Variants in SLC5A11 observed in about 807,000 individuals in gnomAD.
SLC5A11 encodes the protein solute carrier family 5 member 11.
A neutral mutation model predicts 69.8 loss-of-function variants in SLC5A11; 48 were observed. That is an observed-to-expected ratio of 0.69 (90% CI 0.55 to 0.87). The LOEUF is 0.87. SLC5A11 is among the 40% of genes least tolerant of loss of function. The probability of loss-of-function intolerance (pLI) is 0.00; values close to 1 mark genes in which losing one functional copy is unlikely to be tolerated. For synonymous variants in SLC5A11, 319 were observed against 342.4 expected, an observed-to-expected ratio of 0.93 and a Z score of 0.75; for missense variants, 784 against 866.1, an observed-to-expected ratio of 0.91 and a Z score of 1.19.
In SLC5A11 at chr16:24,884,804, A is replaced by G. The variant is rs567335252; in HGVS notation, c.664+673A>G. On this transcript the variant is annotated intron_variant, in intron 8 of 15. Transcript: ENST00000347898. ...CACCCAGGCTGAAGTGCAGTGACAC[A>G]GTCTTGGCTCACTGCAACCTCTGCC... Among the ~76,000 whole-genome samples the G allele has an allele frequency of 1.2e-4, 18 of 151,786 alleles. No homozygotes were observed. In the South Asian group the frequency reaches 2.1e-3, roughly 18 times the overall value.
intron 10 of SLC5A11, among the ~76,000 whole-genome samples, chr16:24,905,224 G>C (rs889061208): frequency 2.3e-5 from 3 of 132,106 alleles, no homozygotes; most frequent in Non-Finnish European, 3.1e-5. Flanking sequence ...AGGAGGTCAA[G>C]ACCAGCCTGG....
intron 5 of SLC5A11, among the ~76,000 whole-genome samples, chr16:24,875,339 C>T (rs1229594686): frequency 6.6e-6 from 1 of 152,098 alleles, no homozygotes; most frequent in East Asian, 1.9e-4. Flanking sequence ...CGCCTGTCAC[C>T]ACGCATGACT....
intron 4 of SLC5A11, among the ~76,000 whole-genome samples, chr16:24,870,781 C>T (rs866308767): frequency 1.5e-5 from 1 of 66,546 alleles, no homozygotes; most frequent in African/African-American, 6.1e-5. Flanking sequence ...CTCTGTCTCA[C>T]AAAAAAAAAA....
At chr16:24,892,490 A>T (rs558389320) in intron 9 of SLC5A11, among the ~76,000 whole-genome samples, 1 of 151,314 alleles carries the variant, frequency 6.6e-6, no homozygotes, top group South Asian at 2.1e-4. Context: ...GCATTTGCTT[A>T]TATGTCCATA....
intron 10 of SLC5A11, among the ~76,000 whole-genome samples, chr16:24,901,958 G>GCACACACACACACACACACA (rs56126191): frequency 2.1e-3 from 281 of 136,648 alleles, no homozygotes; most frequent in African/African-American, 7.0e-3. Flanking sequence ...ACACACACAC[G>GCACACACACACACACACACA]CACACACACA....
chr16:24,870,060 T>G (rs931068630), intron 4 of SLC5A11, 55 bp downstream of exon 5: 2 of 1,257,092 alleles, frequency 1.6e-6, no homozygotes, highest in African/African-American at 1.5e-5. Flanking sequence ...AACAGGTAGA[T>G]CTCAGGGGAA....
chr16:24,866,487 G>C (rs1027882789), intron 3 of SLC5A11, among the ~76,000 whole-genome samples: 1 of 151,626 alleles, frequency 6.6e-6, no homozygotes, highest in Non-Finnish European at 1.5e-5. Context: ...GCTGAGATGG[G>C]AGGATCACTT....
chr16:24,911,423 G>A, exon 16 of SLC5A11: 2 of 1,614,138 alleles, frequency 1.2e-6, no homozygotes, highest in Non-Finnish European at 1.7e-6. Flanking sequence ...GGCCAGAGCA[G>A]AAGCCATCAT....
chr16:24,877,056 T>A, intron 6 of SLC5A11: 1 of 1,408,770 alleles, frequency 7.1e-7, no homozygotes. Context: ...TTGAGGAGGC[T>A]GCTGCATCAG....
At chr16:24,850,796 AC>A (rs150784387) in intron 1 of SLC5A11, among the ~76,000 whole-genome samples, 1,764 of 151,102 alleles carry the variant, frequency 0.012, 29 homozygotes, top group African/African-American at 0.04. Flanking sequence ...GGTTTGCCTA[AC>A]CACAAAGTTT....
At position 24,893,892 on chromosome 16, in the gene SLC5A11, T is replaced by C. The variant is rs192581842; in HGVS notation, c.870+2818T>C. On this transcript the variant is annotated intron_variant, in intron 9 of 15. Transcript: ENST00000347898. ...CAGCCAGATTTCTGAACTTCTGACC[T>C]ACAGCTCTCTGATCCAGTTTCCACT... Among the ~76,000 whole-genome samples the C allele has an allele frequency of 1.2e-3, 180 of 152,276 alleles. No homozygotes were observed. In the Middle Eastern group the frequency reaches 0.02, roughly 17 times the overall value.
At chr16:24,854,468 C>T (rs1271540165) in intron 1 of SLC5A11, among the ~76,000 whole-genome samples, 2 of 151,844 alleles carry the variant, frequency 1.3e-5, no homozygotes, top group South Asian at 4.2e-4. Flanking sequence ...CTCACTCTGT[C>T]CCCCAGGCTG....
intron 7 of SLC5A11, among the ~76,000 whole-genome samples, chr16:24,881,717 C>T (rs573330046): frequency 6.6e-6 from 1 of 152,220 alleles, no homozygotes; most frequent in African/African-American, 2.4e-5. Context: ...GCAGTAAACA[C>T]TCTGAGATGA....
chr16:24,861,565 AAG>A (rs769694775), intron 2 of SLC5A11, among the ~76,000 whole-genome samples: 1 of 149,502 alleles, frequency 6.7e-6, no homozygotes, highest in South Asian at 2.1e-4. Context: ...AAAAGAAAGA[AAG>A]AGAGAGAAAG....
Position 24,875,750 on chromosome 16 carries a change from C to T in SLC5A11, c.477+19C>T. 6.3e-7 allele frequency: 1 copy of T among 1,593,648 alleles called. No individual in the cohort carries two copies. Among genetic ancestry groups the T allele is most frequent in the East Asian group, 2.2e-5 (1 of 44,706 alleles). On this transcript the variant is annotated intron_variant, in intron 6 of 15. Coordinates refer to ENST00000347898, the Ensembl canonical transcript of SLC5A11. The stretch of plus-strand genomic sequence containing the variant: ...GATCTCGGTAAGGCAGGGACACAGC[C>T]TGGCCTCACCCATGCAGCATGGGGA...
At chr16:24,850,811 C>A (rs566707196) in intron 1 of SLC5A11, among the ~76,000 whole-genome samples, 8 of 151,596 alleles carry the variant, frequency 5.3e-5, no homozygotes, top group African/African-American at 1.9e-4. Context: ...AAAGTTTATT[C>A]GTTTTTTTTT....
At chr16:24,881,556 G>A (rs565794443) in intron 7 of SLC5A11, among the ~76,000 whole-genome samples, 35 of 152,264 alleles carry the variant, frequency 2.3e-4, no homozygotes, top group African/African-American at 7.9e-4. Context: ...CCAAAATGCT[G>A]GGATTACAGA....
At chr16:24,908,931 G>C (rs1207251379) in exon 14 of SLC5A11, 1 of 1,613,978 alleles carries the variant, frequency 6.2e-7, no homozygotes, top group Admixed American at 1.7e-5. Flanking sequence ...TGGTTAGGCT[G>C]GTCCTGGACT....
exon 15 of SLC5A11, chr16:24,910,382 C>G: frequency 6.2e-7 from 1 of 1,614,174 alleles, no homozygotes; most frequent in Non-Finnish European, 8.5e-7. Flanking sequence ...GCTCCCTTGT[C>G]TCTTACCCTC....
Sources: allele counts gnomAD v4.1 joint callset (sites outside exome capture counted in the v4.1 genomes callset), GRCh38; gene constraint gnomAD v4.1.1; transcripts MANE v1.5; gene names NCBI Gene and HGNC (gene_info 2026-07-23, HGNC 2026-07-21).